Variants in ARID4A observed in about 807,000 individuals in gnomAD.
ARID4A encodes the protein AT-rich interactive domain-containing protein 4A.
ARID4A carries 39 observed loss-of-function variants against 148.6 expected under a neutral mutation model. The ratio of observed to expected loss-of-function variants is 0.26; its 90% confidence interval spans 0.20 to 0.34. The LOEUF is 0.34. Among genes scored for constraint, ARID4A ranks in the 10% least tolerant of loss-of-function variants. ARID4A has a pLI of 1.00. For synonymous variants in ARID4A, 475 were observed against 481.2 expected, an observed-to-expected ratio of 0.99 and a Z score of 0.17; for missense variants, 1,265 against 1,449.1, an observed-to-expected ratio of 0.87 and a Z score of 2.06.
At chr14:58,369,587 C>G (rs2035513289) in intron 23 of ARID4A, among the ~76,000 whole-genome samples, 1 of 144,700 alleles carries the variant, frequency 6.9e-6, no homozygotes, top group African/African-American at 2.6e-5. Flanking sequence ...TGCACTCCAG[C>G]CTGGGTGACA....
At position 58,347,032 on chromosome 14, in the gene ARID4A, G is replaced by T; in HGVS notation, c.1087G>T (p.Ala363Ser). Residue 363 changes from alanine (A) to serine (S), a missense_variant, in exon 14 of 24, where the codon GCT becomes TCT. Coordinates refer to ENST00000355431, the MANE Select transcript of ARID4A (RefSeq NM_002892.4). Reference sequence around the variant, plus strand: ...CTTAATTTTCCAGATTGATAGTGGTGCTGTATGGAAGCAAATTTATATGGA... The same window carrying T: ...CTTAATTTTCCAGATTGATAGTGGTTCTGTATGGAAGCAAATTTATATGGA... ...QGGCDNIDSG[A>S]VWKQIYMDLG... The T allele has an allele frequency of 6.6e-7, 1 of 1,508,936 alleles. No homozygotes were observed. Among genetic ancestry groups the T allele is most frequent in the Non-Finnish European group, 8.9e-7 (1 of 1,124,792 alleles). 93.5% of individuals were successfully genotyped at this position (1,508,936 alleles called of 1,614,324 possible). A position where few individuals can be genotyped will look rare whatever the true frequency, so the allele number is the denominator to read the frequency against.
At chr14:58,351,592 G>T (rs1016777242) in intron 16 of ARID4A, 5 of 295,294 alleles carry the variant, frequency 1.7e-5, no homozygotes, top group Non-Finnish European at 3.1e-5. Flanking sequence ...AGGTCCTGCA[G>T]TTGACAGCAG....
chr14:58,335,383 G>A (rs1166785839), intron 11 of ARID4A, among the ~76,000 whole-genome samples: 1 of 149,740 alleles, frequency 6.7e-6, no homozygotes, highest in Non-Finnish European at 1.5e-5. Flanking sequence ...GCGTGATCTC[G>A]GCTCACCACA....
At chr14:58,368,014 G>T (rs1001973300) in intron 23 of ARID4A, among the ~76,000 whole-genome samples, 1 of 152,104 alleles carries the variant, frequency 6.6e-6, no homozygotes, top group Admixed American at 6.6e-5. Context: ...GGTTGAAAAT[G>T]GAAAGAGAAA....
chr14:58,329,472 T>A, intron 9 of ARID4A, 56 bp from the exon 10 acceptor site: 1 of 1,159,536 alleles, frequency 8.6e-7, no homozygotes, highest in Non-Finnish European at 1.3e-6. Flanking sequence ...ATGAACTATT[T>A]AAGTGATAAT....
intron 3 of ARID4A, chr14:58,303,683 C>A (rs566141857): frequency 3.3e-6 from 1 of 301,962 alleles, no homozygotes; most frequent in Non-Finnish European, 7.5e-6. Flanking sequence ...TCCAGACCAG[C>A]AGCATCAGCC....
intron 15 of ARID4A, among the ~76,000 whole-genome samples, chr14:58,348,755 C>A (rs777406307): frequency 6.6e-6 from 1 of 152,040 alleles, no homozygotes; most frequent in South Asian, 2.1e-4. Flanking sequence ...GTTCAGAAAC[C>A]AGTTTTCAAA....
rs541502877 is a variant in ARID4A, at chr14:58,329,602, C to T, written c.737C>T (p.Pro246Leu). 1.3e-6 allele frequency: 2 copies of T among 1,594,610 alleles called. No homozygotes were observed. The highest frequency in any genetic ancestry group is 1.7e-5 in the Admixed American group (1 of 59,944). ...NLPESELSTK[P>L]GLQKASIFLK... is the part of the protein sequence containing the mutation. ...CCGGAATCTGAGCTCTCCACTAAAC[C>T]AGGTAAAATAAAGATGAATTACCCT... The change falls in exon 10 of 24, where the codon CCA becomes CTA. Residue 246 changes from proline to leucine, a missense_variant and splice_region_variant. Transcript: ENST00000355431.
chr14:58,345,748 T>G lies in ARID4A; in HGVS notation c.980-663T>G, dbSNP rs1237121150. Among the ~76,000 whole-genome samples, 23 of 81,472 alleles carry G rather than the reference T, an allele frequency of 2.8e-4. 1 individual carries two copies. The highest frequency in any genetic ancestry group is 4.6e-4 in the South Asian group (1 of 2,156). 53.4% of individuals were successfully genotyped at this position (81,472 alleles called of 152,430 possible). A position where few individuals can be genotyped will look rare whatever the true frequency, so the allele number is the denominator to read the frequency against. On this transcript the variant is annotated intron_variant, in intron 12 of 23. Coordinates refer to ENST00000355431, the MANE Select transcript of ARID4A (RefSeq NM_002892.4). ...TTTTTTTTTTTTTTTTTTTTTTTTTTGTGACAGAGTCTTACTCTGTCACTC... is the reference window on the plus strand; with the variant it reads ...TTTTTTTTTTTTTTTTTTTTTTTTTGGTGACAGAGTCTTACTCTGTCACTC...
At position 58,332,000 on chromosome 14, in the gene ARID4A, C is replaced by G. The variant is rs1382385449; in HGVS notation, c.906+1831C>G. ...TTCCAGAATGCATTTTCCCTACCCC[C>G]CCCCCCCCAAAAAACCCTGAAATTT... On this transcript the variant is annotated intron_variant, in intron 11 of 23. Coordinates refer to ENST00000355431, the MANE Select transcript of ARID4A (RefSeq NM_002892.4). Among the ~76,000 whole-genome samples the G allele has an allele frequency of 1.1e-3, 157 of 145,072 alleles. 3 individuals are homozygous for G. Among genetic ancestry groups the G allele is most frequent in the Middle Eastern group, 3.6e-3 (1 of 280 alleles).
At chr14:58,326,074 C>G (rs558786208) in intron 8 of ARID4A, among the ~76,000 whole-genome samples, 3 of 152,070 alleles carry the variant, frequency 2.0e-5, no homozygotes, top group Non-Finnish European at 4.4e-5. Context: ...ATACAGAAAG[C>G]CTTCACAAAG....
chr14:58,312,025 A>C (rs951077740), intron 5 of ARID4A, among the ~76,000 whole-genome samples: 3 of 152,124 alleles, frequency 2.0e-5, no homozygotes, highest in African/African-American at 7.2e-5. Context: ...GTACAACATG[A>C]TGGTTTTAGC....
intron 5 of ARID4A, among the ~76,000 whole-genome samples, chr14:58,317,817 G>C (rs2032570191): frequency 6.6e-6 from 1 of 151,350 alleles, no homozygotes; most frequent in Non-Finnish European, 1.5e-5. Flanking sequence ...TTATCTTTCT[G>C]TTTCCTTATT....
At chr14:58,365,467 C>CTTTTTTTTTTTTTTTTTTTTCACTTT in intron 20 of ARID4A, 51 bp from the exon 21 acceptor site, 1 of 349,158 alleles carries the variant, frequency 2.9e-6, no homozygotes, top group Non-Finnish European at 4.6e-6. Context: ...TATACTTGCT[C>CTTTTTTTTTTTTTTTTTTTTCACTTT]TTTTTTTTTT....
At chr14:58,317,565 C>CAAT in intron 5 of ARID4A, among the ~76,000 whole-genome samples, 1 of 150,264 alleles carries the variant, frequency 6.7e-6, no homozygotes, top group South Asian at 2.1e-4. Flanking sequence ...GCTGGGATTA[C>CAAT]AGACGTGAGC....
At chr14:58,335,418 A>G (rs1016814564) in intron 11 of ARID4A, among the ~76,000 whole-genome samples, 6 of 151,370 alleles carry the variant, frequency 4.0e-5, no homozygotes, top group African/African-American at 1.5e-4. Flanking sequence ...GGTTCAAGCA[A>G]TTCTCCTGCC....
intron 17 of ARID4A, among the ~76,000 whole-genome samples, chr14:58,358,191 G>A (rs779765478): frequency 3.3e-5 from 5 of 151,376 alleles, no homozygotes; most frequent in Admixed American, 6.6e-5. Context: ...AAAAATTGCC[G>A]GGTCCAGTGG....
rs1015604483 is a variant in ARID4A at position 58,320,866 on chromosome 14, C to G, written c.449+2061C>G. On this transcript the variant is annotated intron_variant, in intron 7 of 23. Transcript: ENST00000355431. ...TCGTGATCTGCCCGCCTCGGCCTCC[C>G]AAAGTGTTGGGATTACAGGCATGAG... Among the ~76,000 whole-genome samples, 6 of 152,156 alleles carry G rather than the reference C, an allele frequency of 3.9e-5. No individual in the cohort carries two copies. In the East Asian group the frequency reaches 9.6e-4, roughly 24 times the overall value.
intron 3 of ARID4A, chr14:58,303,564 G>A (rs941812248): frequency 8.5e-6 from 4 of 470,844 alleles, no homozygotes; most frequent in East Asian, 6.9e-5. Flanking sequence ...AGGAGGAAAC[G>A]TCTGACTTGT....
Sources: gnomAD v4.1 joint callset for allele counts (sites outside exome capture counted in the v4.1 genomes callset) on GRCh38, gnomAD v4.1.1 for gene constraint, MANE v1.5 for transcripts, NCBI Gene and HGNC (gene_info 2026-07-23, HGNC 2026-07-21) for gene names.